ITSN1: variants seen among roughly 807,000 people sequenced by gnomAD.
ITSN1 encodes intersectin 1, also known as intersectin-1.
A neutral mutation model predicts 239.8 loss-of-function variants in ITSN1; 58 were observed. That is an observed-to-expected ratio of 0.24 (90% confidence interval 0.20 to 0.30). The LOEUF (loss-of-function observed/expected upper bound fraction) is 0.30, where lower values mean the gene tolerates loss of function less well. Among genes scored for constraint, ITSN1 ranks in the 10% least tolerant of loss-of-function variants. The pLI, the probability that ITSN1 is intolerant of heterozygous loss-of-function variation, is 1.00. For missense variants in ITSN1, 1,558 were observed against 2,103.3 expected (o/e 0.74, Z 5.07); for synonymous variants, 780 against 770.8 (o/e 1.01, Z -0.20).
intron 33 of ITSN1, among the ~76,000 whole-genome samples, chr21:33,867,932 G>A (rs903137639): frequency 5.3e-5 from 8 of 152,250 alleles, no homozygotes; most frequent in South Asian, 2.1e-4. Flanking sequence ...TCGTGGTCTC[G>A]CTAGCTCAGG....
At chr21:33,858,531 C>A (rs1019305866) in intron 30 of ITSN1, among the ~76,000 whole-genome samples, 155 bp from the exon 31 acceptor site, 2 of 152,200 alleles carry the variant, frequency 1.3e-5, no homozygotes, top group Admixed American at 1.3e-4. Context: ...GGGCTCTCTG[C>A]TTCAGAAACT....
intron 1 of ITSN1, among the ~76,000 whole-genome samples, chr21:33,658,546 T>C (rs1258831847): frequency 6.6e-6 from 1 of 152,180 alleles, no homozygotes; most frequent in Admixed American, 6.5e-5. Context: ...AAAGGCACGG[T>C]AAAAATATGC....
chr21:33,733,182 A>T (rs991593416), intron 4 of ITSN1, among the ~76,000 whole-genome samples: 2 of 152,218 alleles, frequency 1.3e-5, no homozygotes, highest in Non-Finnish European at 2.9e-5. Flanking sequence ...TGATCAAATC[A>T]TTGTAATATT....
chr21:33,785,218 T>G (rs1279599237), intron 16 of ITSN1, among the ~76,000 whole-genome samples: 1 of 152,214 alleles, frequency 6.6e-6, no homozygotes, highest in East Asian at 1.9e-4. Context: ...AAATCTATAT[T>G]AAGTGGCTGG....
rs773650725 is a variant in ITSN1, at chr21:33,818,395, A to C, written c.2856A>C (p.Gly952=). Reference sequence around the variant, plus strand: ...AACAGCAAGACATGTGGTGGTTTGGAGAAGTTCAAGGTCAGAAGGGTTGGT... The same window carrying C: ...AACAGCAAGACATGTGGTGGTTTGGCGAAGTTCAAGGTCAGAAGGGTTGGT... ...VLEQQDMWWF[G]EVQGQKGWFP... The change falls in exon 23 of 40, where the codon GGA becomes GGC. Residue 952 remains glycine (G), a synonymous_variant. Coordinates refer to ENST00000381318, the MANE Select transcript of ITSN1 (RefSeq NM_003024.3). 2 of 1,614,232 alleles carry C rather than the reference A, an allele frequency of 1.2e-6. No individual in the cohort carries two copies. Among genetic ancestry groups the C allele is most frequent in the South Asian group, 2.2e-5 (2 of 91,088 alleles).
intron 1 of ITSN1, among the ~76,000 whole-genome samples, chr21:33,684,509 TATAAG>T (rs1300114443): frequency 6.6e-6 from 1 of 152,216 alleles, no homozygotes; most frequent in Admixed American, 6.5e-5. Context: ...TAGGAACTGA[TATAAG>T]AGATAGTTAA....
intron 29 of ITSN1, among the ~76,000 whole-genome samples, chr21:33,848,728 C>T (rs563713435): frequency 1.3e-5 from 2 of 152,362 alleles, no homozygotes; most frequent in East Asian, 1.9e-4. Context: ...CTCACCATCA[C>T]GCAGAGACTG....
intron 29 of ITSN1, among the ~76,000 whole-genome samples, chr21:33,850,076 C>T (rs2075110187): frequency 6.6e-6 from 1 of 152,162 alleles, no homozygotes; most frequent in South Asian, 2.1e-4. Flanking sequence ...ATGATACACC[C>T]TTTCACTCTC....
intron 26 of ITSN1, 26 bp from the exon 27 acceptor site, chr21:33,829,598 C>T: frequency 6.2e-7 from 1 of 1,611,498 alleles, no homozygotes; most frequent in Non-Finnish European, 8.5e-7. Context: ...TAACAGTGCA[C>T]TGCCGTGTTT....
chr21:33,731,148 C>T (rs1368292320), intron 4 of ITSN1, among the ~76,000 whole-genome samples: 1 of 152,208 alleles, frequency 6.6e-6, no homozygotes. Flanking sequence ...GTCCCTAGAA[C>T]CTCATGGTTA....
At chr21:33,659,844 C>T (rs1274661241) in intron 1 of ITSN1, among the ~76,000 whole-genome samples, 1 of 151,166 alleles carries the variant, frequency 6.6e-6, no homozygotes. Context: ...CTCAGCCTCC[C>T]GAGTGGCTAG....
At chr21:33,672,013 G>A (rs1007854792) in intron 1 of ITSN1, among the ~76,000 whole-genome samples, 2 of 151,820 alleles carry the variant, frequency 1.3e-5, no homozygotes, top group African/African-American at 4.8e-5. Context: ...GGGAGGCCGA[G>A]GTGGGCAGAT....
At chr21:33,836,163 G>C (rs73199897) in intron 28 of ITSN1, among the ~76,000 whole-genome samples, 1 of 152,134 alleles carries the variant, frequency 6.6e-6, no homozygotes, top group Admixed American at 6.5e-5. Context: ...GAAAGCCCTC[G>C]ATTAGCACTG....
At chr21:33,741,720 G>A (rs1019921080) in intron 5 of ITSN1, among the ~76,000 whole-genome samples, 3 of 134,744 alleles carry the variant, frequency 2.2e-5, no homozygotes, top group Admixed American at 8.0e-5. Context: ...ATGAAACTCC[G>A]TCTCTACTAA....
intron 4 of ITSN1, among the ~76,000 whole-genome samples, chr21:33,733,811 A>G (rs995806807): frequency 2.0e-5 from 3 of 152,208 alleles, no homozygotes; most frequent in African/African-American, 7.2e-5. Flanking sequence ...ATCTGAGGCA[A>G]AAAGGTTTCT....
intron 3 of ITSN1, chr21:33,721,860 T>C (rs1258568952): frequency 6.6e-6 from 1 of 152,084 alleles, no homozygotes; most frequent in Non-Finnish European, 1.5e-5. Flanking sequence ...AAGTGGAATC[T>C]TTATTTCCAG....
chr21:33,807,704 TGA>T (rs2072565877), intron 20 of ITSN1, among the ~76,000 whole-genome samples: 1 of 152,222 alleles, frequency 6.6e-6, no homozygotes, highest in Non-Finnish European at 1.5e-5. Flanking sequence ...GCAAAGCAGC[TGA>T]CCTTTGAGGA....
At chr21:33,873,445 G>A (rs921106191) in intron 33 of ITSN1, among the ~76,000 whole-genome samples, 1 of 152,198 alleles carries the variant, frequency 6.6e-6, no homozygotes, top group Non-Finnish European at 1.5e-5. Context: ...GGTAATCACT[G>A]TTGCTTATTG....
chr21:33,789,298 A>G (rs535953766), intron 16 of ITSN1, among the ~76,000 whole-genome samples: 1 of 152,312 alleles, frequency 6.6e-6, no homozygotes, highest in African/African-American at 2.4e-5. Flanking sequence ...ATAGATAAAC[A>G]CCTGAAATTT....
Sources: allele counts gnomAD v4.1 joint callset (sites outside exome capture counted in the v4.1 genomes callset), GRCh38; gene constraint gnomAD v4.1.1; transcripts MANE v1.5; gene names NCBI Gene and HGNC (gene_info 2026-07-23, HGNC 2026-07-21).